EPHA7: variants seen among roughly 807,000 people sequenced by gnomAD.
The protein encoded by EPHA7 is EPH receptor A7.
EPHA7 carries 25 observed loss-of-function variants against 112.6 expected under a neutral mutation model. The observed-to-expected ratio is 0.22, with a 90% CI of 0.16 to 0.31. The LOEUF (loss-of-function observed/expected upper bound fraction) is 0.31. Among genes scored for constraint, EPHA7 ranks in the 10% least tolerant of loss-of-function variants. EPHA7 has a pLI of 1.00. For missense variants in EPHA7, 962 were observed against 1,212.6 expected, an observed-to-expected ratio of 0.79 and a Z score of 3.07; for synonymous variants, 437 against 406.5, an observed-to-expected ratio of 1.07 and a Z score of -0.90.
chr6:93,255,844 G>A lies in EPHA7; in HGVS notation c.2366C>T (p.Ala789Val), dbSNP rs2127856499. The change falls in exon 13 of 17, where the codon GCT becomes GTT. Residue 789 changes from alanine (A) to valine (V), a missense_variant. Physicochemically the swap from Ala to Val is moderately conservative, Grantham distance 64. This residue lies in a region of EPHA7 where 746 missense variants were observed against 889.2 expected (regional missense o/e 0.84). Transcript: ENST00000369303. Reference sequence around the variant, plus strand: ...TTTTCTTACAGTAGTTGTATAGACAGCTTCTGGATCATCCTCTATAACTCG... The same window carrying A: ...TTTTCTTACAGTAGTTGTATAGACAACTTCTGGATCATCCTCTATAACTCG... ...LSRVIEDDPE[A>V]VYTTTGGKIP... 6.2e-7 allele frequency: 1 copy of A among 1,613,778 alleles called. No individual in the cohort carries two copies. The highest frequency in any genetic ancestry group is 2.2e-5 in the East Asian group (1 of 44,846).
At chr6:93,296,908 G>T (rs1321231895) in intron 5 of EPHA7, among the ~76,000 whole-genome samples, 2 of 151,834 alleles carry the variant, frequency 1.3e-5, no homozygotes, top group African/African-American at 2.4e-5. Flanking sequence ...AAATTATACT[G>T]TGTTTGGATT....
At chr6:93,342,477 T>G (rs1275682728) in intron 5 of EPHA7, among the ~76,000 whole-genome samples, 1 of 151,706 alleles carries the variant, frequency 6.6e-6, no homozygotes, top group Non-Finnish European at 1.5e-5. Context: ...AAATGACAAG[T>G]GATGAATTAA....
At chr6:93,342,054 G>A (rs974391830) in intron 5 of EPHA7, among the ~76,000 whole-genome samples, 3 of 151,680 alleles carry the variant, frequency 2.0e-5, no homozygotes, top group African/African-American at 4.8e-5. Flanking sequence ...GGCCGAAATT[G>A]GATACTTGGT....
At chr6:93,385,725 TTAGA>T (rs1343346852) in intron 3 of EPHA7, among the ~76,000 whole-genome samples, 2 of 151,974 alleles carry the variant, frequency 1.3e-5, no homozygotes, top group Non-Finnish European at 2.9e-5. Context: ...GATGGATAGA[TTAGA>T]TAGCTAGATA....
chr6:93,253,449 TA>T (rs1177184601), intron 14 of EPHA7, among the ~76,000 whole-genome samples: 1 of 92,942 alleles, frequency 1.1e-5, no homozygotes, highest in Non-Finnish European at 2.6e-5. Flanking sequence ...CAACAACATA[TA>T]AAACAGTCTA....
At chr6:93,317,476 T>C (rs1355553087) in intron 5 of EPHA7, among the ~76,000 whole-genome samples, 1 of 152,166 alleles carries the variant, frequency 6.6e-6, no homozygotes, top group Non-Finnish European at 1.5e-5. Flanking sequence ...ATATGAATTA[T>C]AGCCATGGTT....
intron 3 of EPHA7, among the ~76,000 whole-genome samples, chr6:93,387,924 C>CAGATAGATAGAT (rs200554873): frequency 1.5e-3 from 215 of 145,678 alleles, no homozygotes; most frequent in East Asian, 6.2e-3. Flanking sequence ...GATAGATAGA[C>CAGATAGATAGAT]AGATAGATAG....
rs1227290822 is a variant in EPHA7 at position 93,388,337 on chromosome 6, C to T, written c.832+22164G>A. Among the ~76,000 whole-genome samples, 7 of 152,116 alleles carry T rather than the reference C, an allele frequency of 4.6e-5. No homozygotes were observed. The East Asian group carries it at 7.7e-4, about 17-fold the overall frequency. On this transcript the variant is annotated intron_variant, in intron 3 of 16. Coordinates refer to ENST00000369303, the MANE Select transcript of EPHA7 (RefSeq NM_004440.4). ...TCAAAAGTCAAAAGGCATTTTCTCA[C>T]CCTGGAAGAGAATCCCTATTATTAT...
intron 10 of EPHA7, 27 bp from the exon 11 acceptor site, chr6:93,258,311 T>A (rs555693755): frequency 6.6e-7 from 1 of 1,512,838 alleles, no homozygotes; most frequent in East Asian, 2.3e-5. Context: ...AGCAGGCATA[T>A]TTTAGTTTCT....
intron 15 of EPHA7, among the ~76,000 whole-genome samples, chr6:93,246,187 G>C (rs969660770): frequency 2.0e-5 from 3 of 152,070 alleles, no homozygotes; most frequent in East Asian, 1.9e-4. Context: ...AAGTAGCTGA[G>C]ATTACAGGCG....
intron 3 of EPHA7, among the ~76,000 whole-genome samples, chr6:93,391,869 G>A (rs573758511): frequency 2.0e-5 from 3 of 151,180 alleles, no homozygotes; most frequent in Admixed American, 6.6e-5. Context: ...AACTCTTCAC[G>A]GTTTATGAGA....
chr6:93,280,123 G>A (rs1771658404), intron 5 of EPHA7, among the ~76,000 whole-genome samples: 1 of 152,112 alleles, frequency 6.6e-6, no homozygotes, highest in Non-Finnish European at 1.5e-5. Flanking sequence ...CAGAAAACAA[G>A]TTAGAACATG....
chr6:93,249,441 C>T (rs1770109852), intron 14 of EPHA7, among the ~76,000 whole-genome samples: 1 of 151,974 alleles, frequency 6.6e-6, no homozygotes, highest in African/African-American at 2.4e-5. Flanking sequence ...ATTTAAATAG[C>T]AGATCAAGCT....
chr6:93,275,629 T>A (rs888133268), intron 5 of EPHA7, among the ~76,000 whole-genome samples: 2 of 152,000 alleles, frequency 1.3e-5, no homozygotes, highest in Non-Finnish European at 2.9e-5. Context: ...AAATTCAAAA[T>A]TTGTTTCCAG....
At chr6:93,334,952 A>G (rs1774788704) in intron 5 of EPHA7, among the ~76,000 whole-genome samples, 1 of 152,080 alleles carries the variant, frequency 6.6e-6, no homozygotes, top group Non-Finnish European at 1.5e-5. Context: ...AGGACAACAC[A>G]AGTGTGAAAA....
chr6:93,296,443 A>ATATATATATAAATATATATATATG (rs1772670144), intron 5 of EPHA7, among the ~76,000 whole-genome samples: 3 of 79,488 alleles, frequency 3.8e-5, no homozygotes, highest in Non-Finnish European at 6.1e-5. Context: ...AAATATATAA[A>ATATATATATAAATATATATATATG]TATATATATA....
chr6:93,398,004 T>C (rs1369478089), intron 3 of EPHA7, among the ~76,000 whole-genome samples: 1 of 151,934 alleles, frequency 6.6e-6, no homozygotes, highest in Non-Finnish European at 1.5e-5. Context: ...ATCTAACATA[T>C]AGTTTTTGTC....
chr6:93,333,825 G>C (rs1291598511), intron 5 of EPHA7, among the ~76,000 whole-genome samples: 1 of 151,870 alleles, frequency 6.6e-6, no homozygotes, highest in Admixed American at 6.6e-5. Flanking sequence ...AACATTCCAT[G>C]CTAAATGATA....
chr6:93,419,204 A>G, intron 1 of EPHA7, 41 bp downstream of exon 1: 1 of 1,556,378 alleles, frequency 6.4e-7, no homozygotes, highest in Non-Finnish European at 8.8e-7. Flanking sequence ...AGACATCTAA[A>G]TAAATAAGTC....
Sources: gnomAD v4.1 joint callset for allele counts (sites outside exome capture counted in the v4.1 genomes callset) on GRCh38, gnomAD v4.1.1 for gene constraint, gnomAD v4.1.1 regional missense constraint, MANE v1.5 for transcripts, NCBI Gene and HGNC (gene_info 2026-07-23, HGNC 2026-07-21) for gene names.